Variants in NAA11 observed in about 807,000 individuals in gnomAD.
NAA11 encodes N-alpha-acetyltransferase 11, NatA catalytic subunit, also known as N-alpha-acetyltransferase 11.
In NAA11, 15 loss-of-function variants were observed where a neutral mutation model predicts 16.1. The ratio of observed to expected loss-of-function variants is 0.93; its 90% CI spans 0.62 to 1.44. NAA11 has a LOEUF of 1.44. Among genes scored for constraint, NAA11 ranks in the 40% most tolerant of loss-of-function variants. NAA11 has a pLI of 0.00. For missense variants in NAA11, 298 were observed against 291.3 expected, an observed-to-expected ratio of 1.02 and a Z score of -0.17; for synonymous variants, 122 against 112.4, an observed-to-expected ratio of 1.09 and a Z score of -0.54.
At chr4:79,256,432 C>G (rs1722107707) in intron 2 of NAA11, among the ~76,000 whole-genome samples, 1 of 151,806 alleles carries the variant, frequency 6.6e-6, no homozygotes, top group Admixed American at 6.6e-5. Flanking sequence ...AGATGGGCTT[C>G]TAGATCTAGA....
At chr4:79,286,409 T>C (rs1722935515) in intron 2 of NAA11, among the ~76,000 whole-genome samples, 1 of 152,086 alleles carries the variant, frequency 6.6e-6, no homozygotes, top group African/African-American at 2.4e-5. Context: ...GTATTCTACA[T>C]GTTTCTTAAA....
At chr4:79,306,995 C>T (rs1723602697) in intron 1 of NAA11, 1 of 152,158 alleles carries the variant, frequency 6.6e-6, no homozygotes, top group African/African-American at 2.4e-5. Context: ...GTTACTCATC[C>T]CTGATATATG....
the NAA11 span, among the ~76,000 whole-genome samples, chr4:79,168,028 A>AC: frequency 6.7e-6 from 1 of 150,092 alleles, no homozygotes; most frequent in South Asian, 2.1e-4. Flanking sequence ...CTAGCCCCCT[A>AC]CCCCCCAACA....
chr4:79,289,025 C>G (rs1389414501), intron 2 of NAA11, among the ~76,000 whole-genome samples: 1 of 152,132 alleles, frequency 6.6e-6, no homozygotes, highest in Non-Finnish European at 1.5e-5. Flanking sequence ...TATATTTAAA[C>G]AATCTTCTGT....
At position 79,226,902 on chromosome 4, in the gene NAA11, T is replaced by G. The variant is rs144210333; in HGVS notation, c.*123-632A>C. Among the ~76,000 whole-genome samples, 750 of 152,124 alleles carry G rather than the reference T, an allele frequency of 4.9e-3. 6 individuals carry two copies. Among genetic ancestry groups the G allele is most frequent in the African/African-American group, 0.017 (712 of 41,476 alleles). ...CGCAGTAAACATACGTATGCATGAG[T>G]CTTTATAGCAGCATGATTTATATTC... On this transcript the variant is annotated intron_variant and NMD_transcript_variant, in intron 2 of 2. Transcript: ENST00000511542.
the NAA11 span, among the ~76,000 whole-genome samples, chr4:79,156,329 G>GTATA: frequency 5.3e-3 from 787 of 149,322 alleles, 1 homozygote; most frequent in South Asian, 9.3e-3. Flanking sequence ...GTGTGTGTGT[G>GTATA]TATATATATA....
chr4:79,310,202 A>T (rs1035854043), intron 1 of NAA11, among the ~76,000 whole-genome samples: 1 of 152,230 alleles, frequency 6.6e-6, no homozygotes, highest in Non-Finnish European at 1.5e-5. Flanking sequence ...ATCTATGATC[A>T]CTCAGTCATC....
the NAA11 span, among the ~76,000 whole-genome samples, chr4:79,173,160 G>C: frequency 6.6e-6 from 1 of 152,144 alleles, no homozygotes; most frequent in African/African-American, 2.4e-5. Flanking sequence ...TGTAACCTCA[G>C]TTGATGTAAT....
chr4:79,164,668 C>T, the NAA11 span, among the ~76,000 whole-genome samples: 2 of 152,190 alleles, frequency 1.3e-5, no homozygotes, highest in African/African-American at 4.8e-5. Flanking sequence ...CTCCATGCTT[C>T]CCTCGTGCCA....
chr4:79,226,311 T>C (rs1433201553), intron 2 of NAA11: 1 of 152,052 alleles, frequency 6.6e-6, no homozygotes, highest in African/African-American at 2.4e-5. Context: ...TCAAGGACTT[T>C]CCTTTTAAGA....
chr4:79,196,797 G>A, the NAA11 span, among the ~76,000 whole-genome samples: 1 of 151,638 alleles, frequency 6.6e-6, no homozygotes, highest in East Asian at 1.9e-4. Context: ...ATCTAGGTGG[G>A]TCCTGTGTAA....
intron 2 of NAA11, among the ~76,000 whole-genome samples, chr4:79,239,715 T>G (rs11098603): frequency 6.6e-6 from 1 of 151,912 alleles, no homozygotes; most frequent in Non-Finnish European, 1.5e-5. Flanking sequence ...AAAAAAATGT[T>G]TGTGAATGGA....
At chr4:79,251,440 C>T (rs545727806) in intron 2 of NAA11, among the ~76,000 whole-genome samples, 2 of 152,102 alleles carry the variant, frequency 1.3e-5, no homozygotes, top group East Asian at 1.9e-4. Flanking sequence ...CATATGGACA[C>T]AAAGAAGGGA....
downstream of NAA11, among the ~76,000 whole-genome samples, chr4:79,311,896 ATGAG>A (rs1578193310): frequency 6.6e-6 from 1 of 152,248 alleles, no homozygotes; most frequent in Non-Finnish European, 1.5e-5. Context: ...CTACACAGAC[ATGAG>A]TAATTTTTAA....
intron 2 of NAA11, among the ~76,000 whole-genome samples, chr4:79,292,101 T>A (rs1199821902): frequency 6.6e-6 from 1 of 152,206 alleles, no homozygotes; most frequent in East Asian, 1.9e-4. Flanking sequence ...ATAAATATTT[T>A]AGACATCAGA....
intron 2 of NAA11, among the ~76,000 whole-genome samples, chr4:79,275,420 G>A (rs1722625687): frequency 6.6e-6 from 1 of 152,024 alleles, no homozygotes; most frequent in South Asian, 2.1e-4. Context: ...GAAAATTGAG[G>A]CAGATTTTTT....
intron 2 of NAA11, chr4:79,227,576 G>A (rs1053923479): frequency 2.0e-5 from 3 of 152,048 alleles, no homozygotes; most frequent in Non-Finnish European, 4.4e-5. Context: ...GATGTTGCAT[G>A]AAGAAGGAGA....
intron 2 of NAA11, among the ~76,000 whole-genome samples, chr4:79,271,454 A>AT (rs1305511456): frequency 5.3e-5 from 8 of 151,800 alleles, no homozygotes; most frequent in African/African-American, 7.3e-5. Flanking sequence ...GACACTTTGT[A>AT]TTTTTTTTGG....
chr4:79,222,888 GA>G (rs1721224342), downstream of NAA11, among the ~76,000 whole-genome samples: 1 of 151,892 alleles, frequency 6.6e-6, no homozygotes, highest in Non-Finnish European at 1.5e-5. Context: ...AAAGACACAT[GA>G]AAAAATGCTC....
Sources: gnomAD v4.1 joint callset for allele counts (sites outside exome capture counted in the v4.1 genomes callset) on GRCh38, gnomAD v4.1.1 for gene constraint, MANE v1.5 for transcripts, NCBI Gene and HGNC (gene_info 2026-07-23, HGNC 2026-07-21) for gene names.